Variants in CAMK2D observed in about 807,000 individuals in gnomAD.
CAMK2D encodes the protein calcium/calmodulin-dependent protein kinase type II subunit delta.
In CAMK2D, 37 loss-of-function variants were observed where a neutral mutation model predicts 84.0. That is an observed-to-expected ratio of 0.44 (90% confidence interval 0.34 to 0.58). The LOEUF (loss-of-function observed/expected upper bound fraction) is 0.58, where lower values mean the gene tolerates loss of function less well. Ranked by LOEUF, CAMK2D falls within the 20% of genes least tolerant of loss-of-function variation. The pLI is 0.02. For synonymous variants in CAMK2D, 202 were observed against 212.5 expected, an observed-to-expected ratio of 0.95 and a Z score of 0.43; for missense variants, 448 against 652.5, an observed-to-expected ratio of 0.69 and a Z score of 3.41.
chr4:113,741,584 C>A (rs186772475), intron 2 of CAMK2D, among the ~76,000 whole-genome samples: 2 of 152,138 alleles, frequency 1.3e-5, no homozygotes, highest in Non-Finnish European at 2.9e-5. Flanking sequence ...CAAGGGGAGA[C>A]TACTATAGTC....
intron 2 of CAMK2D, among the ~76,000 whole-genome samples, chr4:113,730,939 T>C (rs778729329): frequency 2.6e-5 from 4 of 152,232 alleles, no homozygotes; most frequent in Admixed American, 6.5e-5. Context: ...ACTGAACTAG[T>C]AGAGTCTTGT....
At position 113,761,159 on chromosome 4, in the gene CAMK2D, T is replaced by C; in HGVS notation, c.-91A>G. On this transcript the variant is annotated 5_prime_UTR_variant, in exon 1 of 21. Transcript: ENST00000511664. The stretch of plus-strand genomic sequence containing the variant: ...CCCCGGGACTGGCCCCGCGGCGCTG[T>C]CACCCAGGGCCGCTCTTACTTTCCT... 1 of 1,581,292 alleles carries C rather than the reference T, an allele frequency of 6.3e-7. No individual in the cohort carries two copies. The highest frequency in any genetic ancestry group is 1.1e-5 in the South Asian group (1 of 90,698).
chr4:113,573,617 A>G (rs1201314221), intron 4 of CAMK2D, among the ~76,000 whole-genome samples: 1 of 152,348 alleles, frequency 6.6e-6, no homozygotes, highest in East Asian at 1.9e-4. Context: ...GGCATTGTAT[A>G]ATAAGGCAAC....
At position 113,659,461 on chromosome 4, in the gene CAMK2D, G is replaced by C. The variant is rs573992076; in HGVS notation, c.220+2252C>G. 3.9e-5 allele frequency among the ~76,000 whole-genome samples: 6 copies of C among 152,224 alleles called. No individual in the cohort carries two copies. In the East Asian group the frequency reaches 1.2e-3, roughly 29 times the overall value. On this transcript the variant is annotated intron_variant, in intron 3 of 20. Coordinates refer to ENST00000511664, the MANE Select transcript of CAMK2D (RefSeq NM_001321571.2). ...TTATTTGCATATAGAGTGTCTAAAG[G>C]GGTAATTAGGTGAGAATGAGGTTAT... is the stretch of plus-strand genomic sequence containing the variant.
chr4:113,462,330 G>GTCTATCTATCTA (rs1295226081), intron 17 of CAMK2D, among the ~76,000 whole-genome samples: 2,250 of 128,544 alleles, frequency 0.018, 43 homozygotes, highest in Middle Eastern at 0.023. Flanking sequence ...CTGTCTGTCT[G>GTCTATCTATCTA]TCTGTCTGTC....
intron 2 of CAMK2D, among the ~76,000 whole-genome samples, chr4:113,736,285 A>C (rs1016657524): frequency 2.0e-5 from 3 of 152,198 alleles, no homozygotes; most frequent in African/African-American, 7.2e-5. Context: ...TATTTTGAAT[A>C]CAGTTTTACT....
chr4:113,532,255 G>A (rs1383357448), intron 7 of CAMK2D, among the ~76,000 whole-genome samples: 2 of 152,020 alleles, frequency 1.3e-5, no homozygotes, highest in Non-Finnish European at 2.9e-5. Context: ...AGAAAATGAG[G>A]AAAAAAACTT....
At chr4:113,508,315 C>T (rs746599567) in intron 13 of CAMK2D, 58 of 1,361,404 alleles carry the variant, frequency 4.3e-5, no homozygotes, top group Middle Eastern at 1.8e-4. Context: ...AAAATATGAC[C>T]GGTTGAATTT....
intron 3 of CAMK2D, among the ~76,000 whole-genome samples, chr4:113,629,598 C>T (rs1156641213): frequency 6.6e-6 from 1 of 151,702 alleles, no homozygotes. Context: ...ATTTAGTGGT[C>T]GTTAAAGGGT....
chr4:113,561,360 G>C (rs946932237), intron 4 of CAMK2D, among the ~76,000 whole-genome samples: 3 of 152,084 alleles, frequency 2.0e-5, no homozygotes, highest in Non-Finnish European at 4.4e-5. Flanking sequence ...TGTAATCTCA[G>C]CTACTCAAGA....
rs397977434 is a variant in CAMK2D, at chr4:113,454,103, A to AC, written c.*441dup. The AC allele has an allele frequency of 2.0e-5, 3 of 152,186 alleles. No individual in the cohort carries two copies. Among genetic ancestry groups the AC allele is most frequent in the African/African-American group, 7.3e-5 (3 of 41,044 alleles). The allele number at this position is 152,186 out of a possible 1,614,324, so 9.4% of individuals were successfully genotyped here. A position where few individuals can be genotyped will look rare whatever the true frequency, so the allele number is the denominator to read the frequency against. On this transcript the variant is annotated 3_prime_UTR_variant, in exon 21 of 21. Transcript: ENST00000511664. ...TTTTACCTTAAAAAAAAAAAAAAAA[A>AC]CCAAACAAACCAAAACAGATTAACA... is the stretch of plus-strand genomic sequence containing the variant.
At chr4:113,578,798 A>G (rs933110913) in intron 4 of CAMK2D, among the ~76,000 whole-genome samples, 3 of 152,204 alleles carry the variant, frequency 2.0e-5, no homozygotes, top group Non-Finnish European at 4.4e-5. Flanking sequence ...GGTTAAGAGT[A>G]AAAAAATCCA....
intron 2 of CAMK2D, among the ~76,000 whole-genome samples, chr4:113,755,479 A>C (rs538345501): frequency 6.6e-6 from 1 of 152,060 alleles, no homozygotes; most frequent in African/African-American, 2.4e-5. Context: ...TATATTTTAC[A>C]AAAACAGTGA....
chr4:113,677,980 T>C (rs1306220312), intron 2 of CAMK2D, among the ~76,000 whole-genome samples: 1 of 152,046 alleles, frequency 6.6e-6, no homozygotes, highest in Non-Finnish European at 1.5e-5. Flanking sequence ...AAAATAAATG[T>C]CATGAAAATA....
intron 2 of CAMK2D, among the ~76,000 whole-genome samples, chr4:113,684,078 C>A (rs1213248438): frequency 6.6e-6 from 1 of 152,110 alleles, no homozygotes; most frequent in Non-Finnish European, 1.5e-5. Context: ...CAGTGCCTGG[C>A]ATATAGGAAG....
At chr4:113,616,344 G>A (rs1439312065) in intron 3 of CAMK2D, among the ~76,000 whole-genome samples, 1 of 152,080 alleles carries the variant, frequency 6.6e-6, no homozygotes. Context: ...GGTGACTATG[G>A]TCTCCATCCT....
intron 4 of CAMK2D, among the ~76,000 whole-genome samples, chr4:113,595,133 A>C (rs1284328275): frequency 6.6e-6 from 1 of 152,100 alleles, no homozygotes; most frequent in African/African-American, 2.4e-5. Context: ...AAGTGTTAAG[A>C]AGAAAACAAA....
chr4:113,618,780 A>G (rs912882811), intron 3 of CAMK2D, among the ~76,000 whole-genome samples: 8 of 152,190 alleles, frequency 5.3e-5, no homozygotes, highest in Non-Finnish European at 1.2e-4. Context: ...CATGGGAGTT[A>G]TTTATGAACT....
intron 2 of CAMK2D, among the ~76,000 whole-genome samples, chr4:113,710,391 CT>C (rs1438751499): frequency 1.3e-5 from 2 of 152,050 alleles, no homozygotes; most frequent in African/African-American, 4.8e-5. Context: ...ATACAGAGAC[CT>C]TCTGAGCTCC....
Sources: allele counts gnomAD v4.1 joint callset (sites outside exome capture counted in the v4.1 genomes callset), GRCh38; gene constraint gnomAD v4.1.1; transcripts MANE v1.5; gene names NCBI Gene and HGNC (gene_info 2026-07-23, HGNC 2026-07-21).